The following DLG1 variants were observed in gnomAD, a reference collection of about 807,000 sequenced individuals.
The protein encoded by DLG1 is discs large MAGUK scaffold protein 1.
DLG1 carries 42 observed loss-of-function variants against 123.4 expected under a neutral mutation model. That is an observed-to-expected ratio of 0.34 (90% confidence interval 0.27 to 0.44). The LOEUF is 0.44. Ranked by LOEUF, DLG1 falls within the 20% of genes least tolerant of loss-of-function variation. DLG1 has a pLI of 1.00. For synonymous variants in DLG1, 317 were observed against 356.2 expected, an observed-to-expected ratio of 0.89 and a Z score of 1.24; for missense variants, 942 against 1,082.6, an observed-to-expected ratio of 0.87 and a Z score of 1.82.
intron 2 of DLG1, 27 bp downstream of exon 2, chr3:197,297,159 C>T (rs372945589): frequency 6.2e-7 from 1 of 1,613,682 alleles, no homozygotes; most frequent in Non-Finnish European, 8.5e-7. Flanking sequence ...GTGACATCGA[C>T]AACAGAGTTA....
chr3:197,080,451 T>C (rs1284133172), intron 17 of DLG1: 1 of 108,788 alleles, frequency 9.2e-6, no homozygotes, highest in Non-Finnish European at 1.8e-5. Flanking sequence ...GCTAATTTTT[T>C]ACCTTTTTTT....
At chr3:197,109,773 T>C (rs928331755) in intron 13 of DLG1, among the ~76,000 whole-genome samples, 1 of 152,176 alleles carries the variant, frequency 6.6e-6, no homozygotes, top group Non-Finnish European at 1.5e-5. Context: ...GGATATAGAG[T>C]TCTAGTCAAC....
chr3:197,283,890 C>CTCGCTCTG (rs1770568151), intron 3 of DLG1, among the ~76,000 whole-genome samples: 1 of 126,172 alleles, frequency 7.9e-6, no homozygotes, highest in East Asian at 2.6e-4. Flanking sequence ...GAGACAGAGT[C>CTCGCTCTG]TCGCTCTGTC....
In DLG1 at chr3:197,086,445, C is replaced by T. The variant is rs190661020; in HGVS notation, c.1662-689G>A. On this transcript the variant is annotated intron_variant, in intron 15 of 24. Coordinates refer to ENST00000667157, the MANE Select transcript of DLG1 (RefSeq NM_001366207.1). ...ATTAAAATAAATCAAATTCTTAAGT[C>T]CAAATAAGCTCTCTCAAGAGTGTAA... Among the ~76,000 whole-genome samples, 7 of 152,194 alleles carry T rather than the reference C, an allele frequency of 4.6e-5. No individual in the cohort carries two copies. In the East Asian group the frequency reaches 1.3e-3, roughly 29 times the overall value.
At position 197,236,482 on chromosome 3, in the gene DLG1, T is replaced by A. The variant is rs569695573; in HGVS notation, c.319-41893A>T. 3.3e-5 allele frequency among the ~76,000 whole-genome samples: 5 copies of A among 152,236 alleles called. No individual in the cohort carries two copies. In the South Asian group the frequency reaches 1.0e-3, roughly 32 times the overall value. On this transcript the variant is annotated intron_variant, in intron 4 of 24. Coordinates refer to ENST00000667157, the MANE Select transcript of DLG1 (RefSeq NM_001366207.1). ...AAAATAAAGACCATCAAACACTGTG[T>A]GAATATTAACAACTTTATTTGAACT...
chr3:197,080,094 C>T (rs1749904407), intron 17 of DLG1, among the ~76,000 whole-genome samples: 1 of 151,408 alleles, frequency 6.6e-6, no homozygotes, highest in African/African-American at 2.4e-5. Flanking sequence ...TAGAATATTC[C>T]ACTGCAGTGA....
In DLG1 at chr3:197,085,681, G is replaced by C. The variant is rs1753920880; in HGVS notation, c.1737C>G (p.Ile579Met). The C allele has an allele frequency of 3.1e-6, 5 of 1,613,680 alleles. 1 individual carries two copies. The African/African-American group carries it at 6.7e-5, about 22-fold the overall frequency. The change falls in exon 16 of 25, where the codon ATC becomes ATG. Residue 579 changes from isoleucine to methionine, a missense_variant. By Grantham distance (10) the Ile-to-Met change is conservative (BLOSUM62 1). Coordinates refer to ENST00000667157, the MANE Select transcript of DLG1 (RefSeq NM_001366207.1). ...SQGLNFKFGD[I>M]LHVINASDDE... ...CATCAGAAGCATTAATAACATGGAG[G>C]ATATCTCCAAATTTGAAGTTCAGTC...
intron 13 of DLG1, among the ~76,000 whole-genome samples, chr3:197,106,718 T>C (rs375564022): frequency 1.8e-4 from 27 of 152,172 alleles, no homozygotes; most frequent in African/African-American, 5.8e-4. Context: ...AAACTACATA[T>C]TAAAGACTTT....
intron 5 of DLG1, among the ~76,000 whole-genome samples, chr3:197,158,460 TTAAAAAAAAAA>T (rs1797305075): frequency 1.8e-5 from 1 of 56,950 alleles, no homozygotes. Context: ...TCGTCTCTAC[TTAAAAAAAAAA>T]AAAAAAAAAA....
At chr3:197,103,046 T>C (rs1435886792) in intron 14 of DLG1, among the ~76,000 whole-genome samples, 3 of 152,222 alleles carry the variant, frequency 2.0e-5, no homozygotes, top group African/African-American at 7.2e-5. Flanking sequence ...TCTGCTTTTC[T>C]AAACCAAACC....
rs1042384766 is a variant in DLG1 at position 197,159,937 on chromosome 3, T to C, written c.484-10141A>G. ...GAAATATGAGATAACACTAAAAATA[T>C]GGGCGGCTAAGATTATGTGCCAGTA... On this transcript the variant is annotated intron_variant, in intron 5 of 24. Transcript: ENST00000667157. Among the ~76,000 whole-genome samples, 3 of 152,316 alleles carry C rather than the reference T, an allele frequency of 2.0e-5. No homozygotes were observed. In the East Asian group the frequency reaches 5.8e-4, roughly 29 times the overall value.
intron 22 of DLG1, among the ~76,000 whole-genome samples, chr3:197,060,693 C>T (rs1735161266): frequency 6.6e-6 from 1 of 152,226 alleles, no homozygotes; most frequent in Non-Finnish European, 1.5e-5. Context: ...CAAGCTTAAA[C>T]TCACTGACAA....
chr3:197,102,061 T>A (rs1449551125), intron 14 of DLG1, among the ~76,000 whole-genome samples: 1 of 152,190 alleles, frequency 6.6e-6, no homozygotes, highest in Non-Finnish European at 1.5e-5. Flanking sequence ...CCAGCTAATT[T>A]CTGATAATGA....
At chr3:197,184,205 C>T in intron 5 of DLG1, 1 of 763,472 alleles carries the variant, frequency 1.3e-6, no homozygotes, top group Non-Finnish European at 1.6e-6. Flanking sequence ...ACTGGACTAC[C>T]AAGACCCTGT....
At chr3:197,153,800 T>C (rs1425256959) in intron 5 of DLG1, among the ~76,000 whole-genome samples, 1 of 152,120 alleles carries the variant, frequency 6.6e-6, no homozygotes, top group East Asian at 1.9e-4. Flanking sequence ...TCAGAAAATA[T>C]CTAAGAAGAC....
chr3:197,045,746 T>G (rs906194192), intron 24 of DLG1, among the ~76,000 whole-genome samples: 1 of 152,108 alleles, frequency 6.6e-6, no homozygotes, highest in Non-Finnish European at 1.5e-5. Context: ...TGGAACCTTG[T>G]GTCTCGTAAA....
chr3:197,263,349 G>A (rs76094233), intron 4 of DLG1, among the ~76,000 whole-genome samples: 21 of 1,660 alleles, frequency 0.013, no homozygotes, highest in African/African-American at 0.039. Flanking sequence ...CATTTTCTTC[G>A]GGGGGGTGGG....
intron 12 of DLG1, among the ~76,000 whole-genome samples, chr3:197,118,313 T>C (rs1774416987): frequency 6.6e-6 from 1 of 152,194 alleles, no homozygotes; most frequent in African/African-American, 2.4e-5. Flanking sequence ...TAAATGGCAA[T>C]GAAAGGTCAC....
intron 5 of DLG1, among the ~76,000 whole-genome samples, chr3:197,172,344 TTATAC>T (rs1282972673): frequency 6.6e-6 from 1 of 152,184 alleles, no homozygotes; most frequent in Non-Finnish European, 1.5e-5. Context: ...TGTATATTTA[TTATAC>T]TATACTTTTT....
Sources: allele counts gnomAD v4.1 joint callset (sites outside exome capture counted in the v4.1 genomes callset), GRCh38; gene constraint gnomAD v4.1.1; transcripts MANE v1.5; gene names NCBI Gene and HGNC (gene_info 2026-07-23, HGNC 2026-07-21).